ROBO2: variants seen among roughly 807,000 people sequenced by gnomAD.
The protein encoded by ROBO2 is roundabout guidance receptor 2, also known as roundabout homolog 2.
ROBO2 carries 53 observed loss-of-function variants against 160.8 expected under a neutral mutation model. That is an observed-to-expected ratio of 0.33 (90% confidence interval 0.26 to 0.41). The LOEUF is 0.41. Among genes scored for constraint, ROBO2 ranks in the 10% least tolerant of loss-of-function variants. ROBO2 has a pLI of 1.00. For missense variants in ROBO2, 1,577 were observed against 1,722.4 expected (o/e 0.92, Z 1.49); for synonymous variants, 664 against 611.7 (o/e 1.09, Z -1.26).
intron 2 of ROBO2, among the ~76,000 whole-genome samples, chr3:76,222,274 G>C (rs983629565): frequency 1.3e-5 from 2 of 152,114 alleles, no homozygotes; most frequent in Non-Finnish European, 2.9e-5. Flanking sequence ...AGAGGCATAA[G>C]GTAGAAGGAG....
intron 2 of ROBO2, among the ~76,000 whole-genome samples, chr3:76,769,223 C>T (rs915045357): frequency 1.9e-4 from 29 of 151,274 alleles, no homozygotes; most frequent in African/African-American, 5.1e-4. Context: ...AAATGAAAAA[C>T]GAATATATGT....
intron 2 of ROBO2, among the ~76,000 whole-genome samples, chr3:77,024,894 G>A (rs1304476203): frequency 1.3e-5 from 2 of 151,976 alleles, no homozygotes; most frequent in Admixed American, 6.6e-5. Context: ...ATCGTAAAGT[G>A]AAGACACAAG....
chr3:77,101,144 T>C (rs2071868071), intron 2 of ROBO2, among the ~76,000 whole-genome samples: 1 of 152,232 alleles, frequency 6.6e-6, no homozygotes, highest in African/African-American at 2.4e-5. Flanking sequence ...AGGCATTAAG[T>C]AGCTGTCAAA....
intron 2 of ROBO2, among the ~76,000 whole-genome samples, chr3:76,248,077 G>A (rs1160953458): frequency 4.6e-5 from 7 of 151,970 alleles, no homozygotes; most frequent in African/African-American, 1.7e-4. Context: ...GTAGAAGTCA[G>A]TGTGGCGATT....
At chr3:77,594,359 C>A (rs1395316377) in intron 17 of ROBO2, among the ~76,000 whole-genome samples, 1 of 152,140 alleles carries the variant, frequency 6.6e-6, no homozygotes, top group Non-Finnish European at 1.5e-5. Flanking sequence ...TAATAACATT[C>A]TTTGGCCAGT....
intron 2 of ROBO2, among the ~76,000 whole-genome samples, chr3:76,041,421 G>A (rs1480247383): frequency 1.3e-5 from 2 of 151,982 alleles, no homozygotes; most frequent in African/African-American, 4.8e-5. Context: ...ATTCCCTGGA[G>A]TTACTTGGAA....
At chr3:76,474,134 C>G (rs1366948816) in intron 2 of ROBO2, among the ~76,000 whole-genome samples, 1 of 151,964 alleles carries the variant, frequency 6.6e-6, no homozygotes, top group African/African-American at 2.4e-5. Flanking sequence ...AATACTATAC[C>G]AGGTCGATTA....
chr3:76,036,620 T>C (rs893143058), intron 2 of ROBO2, among the ~76,000 whole-genome samples: 1 of 151,904 alleles, frequency 6.6e-6, no homozygotes, highest in Non-Finnish European at 1.5e-5. Context: ...TTCTCCTGCC[T>C]CAGCCTCCCT....
At chr3:77,130,118 T>C (rs1197606184) in intron 2 of ROBO2, among the ~76,000 whole-genome samples, 1 of 152,196 alleles carries the variant, frequency 6.6e-6, no homozygotes, top group Admixed American at 6.5e-5. Context: ...TGACATTGAG[T>C]TCTTCGGCAA....
chr3:77,289,997 TGAGG>T, intron 2 of ROBO2, among the ~76,000 whole-genome samples: 1 of 150,918 alleles, frequency 6.6e-6, no homozygotes, highest in Non-Finnish European at 1.5e-5. Flanking sequence ...ACGGGTAAAC[TGAGG>T]CTAGATCCCT....
At chr3:76,065,222 T>C (rs1007180802) in intron 2 of ROBO2, among the ~76,000 whole-genome samples, 1 of 152,152 alleles carries the variant, frequency 6.6e-6, no homozygotes. Flanking sequence ...CCAAAAATGC[T>C]TTAAACAATC....
intron 1 of ROBO2, among the ~76,000 whole-genome samples, chr3:77,058,422 C>T (rs1378127189): frequency 6.6e-6 from 1 of 152,098 alleles, no homozygotes; most frequent in Non-Finnish European, 1.5e-5. Context: ...CTTTCCAGCT[C>T]TTGTGAGGGT....
chr3:77,401,872 C>T (rs1253469659), intron 2 of ROBO2, among the ~76,000 whole-genome samples: 1 of 152,156 alleles, frequency 6.6e-6, no homozygotes, highest in Non-Finnish European at 1.5e-5. Context: ...AACTAATTTA[C>T]ACTCCTACCA....
intron 2 of ROBO2, among the ~76,000 whole-genome samples, chr3:75,995,596 G>C (rs569677223): frequency 4.9e-4 from 74 of 152,182 alleles, no homozygotes; most frequent in Non-Finnish European, 9.1e-4. Flanking sequence ...AGCTCCCACA[G>C]AGAGTCCCTA....
intron 2 of ROBO2, among the ~76,000 whole-genome samples, chr3:77,295,357 A>G (rs1184069306): frequency 6.6e-6 from 1 of 150,642 alleles, no homozygotes; most frequent in Non-Finnish European, 1.5e-5. Flanking sequence ...ATAAAGTAAA[A>G]TTGATGGTTA....
intron 2 of ROBO2, among the ~76,000 whole-genome samples, chr3:76,048,741 C>T (rs1056665310): frequency 3.9e-5 from 6 of 152,276 alleles, no homozygotes; most frequent in Non-Finnish European, 8.8e-5. Flanking sequence ...TCAGGGCACA[C>T]AAGAGCATCC....
intron 2 of ROBO2, among the ~76,000 whole-genome samples, chr3:76,895,222 G>A (rs2074676492): frequency 6.6e-6 from 1 of 151,860 alleles, no homozygotes; most frequent in African/African-American, 2.4e-5. Flanking sequence ...AGCTTTAAAA[G>A]GAAAGCTTAT....
intron 2 of ROBO2, among the ~76,000 whole-genome samples, chr3:77,117,941 A>C (rs1169955172): frequency 6.6e-6 from 1 of 152,208 alleles, no homozygotes; most frequent in Non-Finnish European, 1.5e-5. Flanking sequence ...AGAACTTAGA[A>C]ATGTTACCTT....
At chr3:77,348,451 AC>A (rs1214463365) in intron 2 of ROBO2, among the ~76,000 whole-genome samples, 1 of 151,962 alleles carries the variant, frequency 6.6e-6, no homozygotes, top group Non-Finnish European at 1.5e-5. Context: ...ATGGGTTGGG[AC>A]TGCCTTCTTT....
Sources: allele counts gnomAD v4.1 joint callset (sites outside exome capture counted in the v4.1 genomes callset), GRCh38; gene constraint gnomAD v4.1.1; transcripts MANE v1.5; gene names NCBI Gene and HGNC (gene_info 2026-07-23, HGNC 2026-07-21).